FRMD3: variants seen among roughly 807,000 people sequenced by gnomAD.
The protein encoded by FRMD3 is FERM domain-containing protein 3.
A neutral mutation model predicts 70.2 loss-of-function variants in FRMD3; 33 were observed. The observed-to-expected ratio is 0.47, with a 90% CI of 0.36 to 0.63. The LOEUF (loss-of-function observed/expected upper bound fraction) is 0.63. Ranked by LOEUF, FRMD3 falls within the 20% of genes least tolerant of loss-of-function variation. The pLI is 0.00. For missense variants in FRMD3, 632 were observed against 711.4 expected (o/e 0.89, Z 1.27); for synonymous variants, 279 against 255.9 (o/e 1.09, Z -0.86).
chr9:83,243,821 C>T (rs1390183655), downstream of FRMD3, among the ~76,000 whole-genome samples: 1 of 152,062 alleles, frequency 6.6e-6, no homozygotes, highest in Non-Finnish European at 1.5e-5. Flanking sequence ...CAAGTAACAC[C>T]TTTTGGTTTA....
upstream of FRMD3, among the ~76,000 whole-genome samples, chr9:83,543,499 G>A (rs151236212): frequency 2.6e-5 from 4 of 152,274 alleles, no homozygotes; most frequent in African/African-American, 9.6e-5. Flanking sequence ...ATGGTAGCGG[G>A]CACCACACTG....
chr9:83,299,233 A>T (rs756098484), intron 10 of FRMD3, 47 bp from the exon 11 acceptor site: 1 of 1,234,440 alleles, frequency 8.1e-7, no homozygotes, highest in South Asian at 1.3e-5. Flanking sequence ...TGGAAAGTCC[A>T]CTTACAACAT....
intron 2 of FRMD3, among the ~76,000 whole-genome samples, chr9:83,386,404 C>A (rs1825511722): frequency 6.6e-6 from 1 of 152,130 alleles, no homozygotes; most frequent in Non-Finnish European, 1.5e-5. Context: ...GAGGGTGGCC[C>A]CCATCCTTTC....
intron 1 of FRMD3, among the ~76,000 whole-genome samples, chr9:83,452,112 G>T (rs1027124737): frequency 6.6e-6 from 1 of 152,146 alleles, no homozygotes. Flanking sequence ...ATGCTGATGG[G>T]GGAACAAATA....
At chr9:83,568,280 C>T in the FRMD3 span, among the ~76,000 whole-genome samples, 5 of 152,166 alleles carry the variant, frequency 3.3e-5, no homozygotes, top group South Asian at 4.2e-4. Flanking sequence ...TCCCACAACA[C>T]GTGGGAATTC....
At chr9:83,318,222 T>C (rs1835659021) in intron 6 of FRMD3, among the ~76,000 whole-genome samples, 1 of 152,212 alleles carries the variant, frequency 6.6e-6, no homozygotes, top group South Asian at 2.1e-4. Flanking sequence ...ACCCAAATAG[T>C]GAACACTGTA....
intron 11 of FRMD3, 142 bp downstream of exon 11, chr9:83,298,970 G>A: frequency 1.0e-6 from 1 of 962,278 alleles, no homozygotes; most frequent in Non-Finnish European, 1.7e-6. Context: ...GGTGCCCTGT[G>A]AGCATAAGAC....
At chr9:83,448,544 G>A (rs1827547830) in intron 1 of FRMD3, among the ~76,000 whole-genome samples, 1 of 152,140 alleles carries the variant, frequency 6.6e-6, no homozygotes, top group East Asian at 1.9e-4. Flanking sequence ...TCCAGGGGTG[G>A]CCAATACAGG....
intron 1 of FRMD3, among the ~76,000 whole-genome samples, chr9:83,420,987 C>T (rs1380477995): frequency 7.4e-6 from 1 of 135,714 alleles, no homozygotes; most frequent in Non-Finnish European, 1.5e-5. Context: ...GTCGCCCAGG[C>T]TGGAGTGCAG....
At chr9:83,455,333 T>C (rs1265866344) in intron 1 of FRMD3, among the ~76,000 whole-genome samples, 1 of 152,164 alleles carries the variant, frequency 6.6e-6, no homozygotes, top group African/African-American at 2.4e-5. Flanking sequence ...TCAACTTGAA[T>C]TGTATCTCCC....
intron 1 of FRMD3, among the ~76,000 whole-genome samples, chr9:83,416,745 G>GTC (rs1184226415): frequency 0.1 from 10,389 of 101,986 alleles, 899 homozygotes; most frequent in South Asian, 0.14. Flanking sequence ...ATTTCTCTCT[G>GTC]TCTCTCTCTC....
At chr9:83,425,977 T>C (rs2131368053) in intron 1 of FRMD3, among the ~76,000 whole-genome samples, 2 of 149,964 alleles carry the variant, frequency 1.3e-5, no homozygotes, top group South Asian at 4.2e-4. Context: ...GAGGAAGAGA[T>C]TATTAAACCT....
chr9:83,418,792 G>A (rs551386607), intron 1 of FRMD3, among the ~76,000 whole-genome samples: 1 of 152,262 alleles, frequency 6.6e-6, no homozygotes, highest in Non-Finnish European at 1.5e-5. Flanking sequence ...TCTACCCAGA[G>A]GAAAAGAAGT....
intron 6 of FRMD3, among the ~76,000 whole-genome samples, chr9:83,329,948 C>T (rs891143501): frequency 8.5e-5 from 13 of 152,150 alleles, no homozygotes; most frequent in Non-Finnish European, 1.8e-4. Context: ...ATGGTAAAAG[C>T]AATCTTATTC....
At chr9:83,435,318 T>C (rs1280775672) in intron 1 of FRMD3, among the ~76,000 whole-genome samples, 2 of 152,126 alleles carry the variant, frequency 1.3e-5, no homozygotes, top group Non-Finnish European at 2.9e-5. Context: ...CCCTCCTAGT[T>C]TGGAAAAGGG....
chr9:83,253,152 A>G lies in FRMD3; in HGVS notation c.1196-4636T>C, dbSNP rs6559717. Among the ~76,000 whole-genome samples, 1,317 of 152,314 alleles carry G rather than the reference A, an allele frequency of 8.6e-3. 18 individuals are homozygous for G. The highest frequency in any genetic ancestry group is 0.029 in the African/African-American group (1,201 of 41,576). ...AACACTCTCCAAGAAATGCAAAAGA[A>G]CTGAAATCGTAACAGTCTGTCAGCC... On this transcript the variant is annotated intron_variant, in intron 13 of 13. Coordinates refer to ENST00000304195, the MANE Select transcript of FRMD3 (RefSeq NM_174938.6).
At chr9:83,490,222 T>C (rs3860935) in intron 1 of FRMD3, among the ~76,000 whole-genome samples, 102,732 of 152,054 alleles carry the variant, frequency 0.68, 34,951 homozygotes, top group African/African-American at 0.72. Context: ...CCCCTGGGGA[T>C]GGTTGCAATG....
chr9:83,267,307 G>C, intron 13 of FRMD3: 1 of 1,439,882 alleles, frequency 6.9e-7, no homozygotes, highest in Non-Finnish European at 9.1e-7. Flanking sequence ...AGCATTGGGA[G>C]GGGAGGAGGG....
chr9:83,247,964 A>G lies in FRMD3; in HGVS notation c.1748T>C (p.Val583Ala), dbSNP rs1163982596. Residue 583 changes from valine (V) to alanine (A), a missense_variant, in exon 14 of 14, where the codon GTG (valine) becomes GCG (alanine). Physicochemically the swap from Val to Ala is moderately conservative, Grantham distance 64 (BLOSUM62 0). This residue lies in a region of FRMD3 where 418 missense variants were observed against 442.1 expected (regional missense o/e 0.95). Transcript: ENST00000304195. ...YEYYCPLKEW[V>A]AGKVHLILYM... ...GAGGATGAGGTGGACTTTCCCAGCC[A>G]CCCACTCCTTGAGGGGACAGTAGTA... The G allele has an allele frequency of 6.2e-7, 1 of 1,614,030 alleles. No homozygotes were observed. Among genetic ancestry groups the G allele is most frequent in the African/African-American group, 1.3e-5 (1 of 74,926 alleles).
Sources: allele counts gnomAD v4.1 joint callset (sites outside exome capture counted in the v4.1 genomes callset), GRCh38; gene constraint gnomAD v4.1.1; regional missense constraint gnomAD v4.1.1; transcripts MANE v1.5; gene names NCBI Gene and HGNC (gene_info 2026-07-23, HGNC 2026-07-21).